USP49: variants seen among roughly 807,000 people sequenced by gnomAD.
The protein encoded by USP49 is ubiquitin carboxyl-terminal hydrolase 49.
USP49 carries 24 observed loss-of-function variants against 58.6 expected under a neutral mutation model. The ratio of observed to expected loss-of-function variants is 0.41; its 90% CI spans 0.30 to 0.58. The LOEUF is 0.58. USP49 is among the 20% of genes least tolerant of loss of function. The pLI is 0.30. For missense variants in USP49, 703 were observed against 866.1 expected (o/e 0.81, Z 2.36); for synonymous variants, 408 against 365.1 (o/e 1.12, Z -1.34).
chr6:41,804,826 G>T (rs1030478247), intron 4 of USP49, among the ~76,000 whole-genome samples: 1 of 152,042 alleles, frequency 6.6e-6, no homozygotes, highest in East Asian at 1.9e-4. Context: ...TCGGCTCACC[G>T]CAACCTCCGC....
intron 3 of USP49, among the ~76,000 whole-genome samples, chr6:41,812,321 C>T (rs1773271978): frequency 6.6e-6 from 1 of 151,506 alleles, no homozygotes; most frequent in Non-Finnish European, 1.5e-5. Context: ...TCAGGTGATC[C>T]GCCTACCTCG....
At chr6:41,894,202 T>C (rs544416627) in intron 1 of USP49, 1 of 152,414 alleles carries the variant, frequency 6.6e-6, no homozygotes, top group Admixed American at 6.5e-5. Context: ...TAGCCCTGTC[T>C]CTTTACCTCA....
chr6:41,831,251 G>A (rs1193551599), intron 3 of USP49, among the ~76,000 whole-genome samples: 5 of 152,008 alleles, frequency 3.3e-5, no homozygotes, highest in Non-Finnish European at 7.4e-5. Context: ...TTAGCCGGGC[G>A]TGGTGGCATG....
chr6:41,872,562 T>C (rs569326377), intron 2 of USP49, among the ~76,000 whole-genome samples: 2 of 151,628 alleles, frequency 1.3e-5, no homozygotes, highest in South Asian at 4.2e-4. Flanking sequence ...TTAAAAGTTT[T>C]AAATTGGAGT....
chr6:41,859,795 C>G (rs759128410), intron 3 of USP49, among the ~76,000 whole-genome samples: 1 of 151,960 alleles, frequency 6.6e-6, no homozygotes, highest in Non-Finnish European at 1.5e-5. Flanking sequence ...TCTTTCTGAT[C>G]GAAAAGAGTA....
chr6:41,874,141 T>C (rs1313105985), intron 2 of USP49: 1 of 152,182 alleles, frequency 6.6e-6, no homozygotes, highest in Non-Finnish European at 1.5e-5. Flanking sequence ...GAAGAGCACA[T>C]GATGTGGAGT....
Position 41,806,476 on chromosome 6 carries a change from CCAGCTT to C in USP49, c.502_507del (p.Lys168_Leu169del). ...AGGGCCTCCTCCTGCCGCCGCTGCTCCAGCTTCGCCTGGCCCCGGGAGCTCTTCTCG... is the reference window on the plus strand; with the variant it reads ...AGGGCCTCCTCCTGCCGCCGCTGCTCCGCCTGGCCCCGGGAGCTCTTCTCG... On this transcript the variant is annotated inframe_deletion, in exon 4 of 8. Coordinates refer to ENST00000682992, the MANE Select transcript of USP49 (RefSeq NM_001286554.2). The surrounding 1 kb of genome is among the most constrained non-coding windows in gnomAD (Gnocchi z 5.9). 9.4e-6 allele frequency: 15 copies of C among 1,597,030 alleles called. No homozygotes were observed. The highest frequency in any genetic ancestry group is 1.3e-5 in the Non-Finnish European group (15 of 1,178,826).
chr6:41,887,266 T>C (rs1197523621), intron 2 of USP49: 1 of 152,228 alleles, frequency 6.6e-6, no homozygotes, highest in African/African-American at 2.4e-5. Context: ...AGTATCCTCC[T>C]AACTCACTAG....
intron 3 of USP49, among the ~76,000 whole-genome samples, chr6:41,854,489 A>G (rs1774091333): frequency 6.6e-6 from 1 of 152,122 alleles, no homozygotes; most frequent in African/African-American, 2.4e-5. Flanking sequence ...GAGTTCCCCA[A>G]CTACTAATCT....
chr6:41,798,695 C>T lies in USP49; in HGVS notation c.1876+29G>A, dbSNP rs146374967. 1.4e-3 allele frequency: 2,254 copies of T among 1,610,216 alleles called. 10 individuals carry two copies. Among genetic ancestry groups the T allele is most frequent in the Middle Eastern group, 9.7e-3 (59 of 6,058 alleles). ...GGACAAATCAACCCCTTTCCGTGTC[C>T]CCCACCCCACAGAGTAAAGCGCACG... is the stretch of plus-strand genomic sequence containing the variant. On this transcript the variant is annotated intron_variant, in intron 7 of 7. Coordinates refer to ENST00000682992, the MANE Select transcript of USP49 (RefSeq NM_001286554.2).
chr6:41,860,700 CAT>C (rs1774205460), intron 3 of USP49, among the ~76,000 whole-genome samples: 2 of 151,854 alleles, frequency 1.3e-5, no homozygotes, highest in African/African-American at 4.8e-5. Flanking sequence ...TTAGTAGAGA[CAT>C]AGTTTCACCA....
Position 41,805,962 on chromosome 6 carries a change from C to T in USP49, c.1022G>A (p.Ser341Asn). ...CTCCTTGTTCTGGATGAGCTCCAGA[C>T]TCCGACTAATGGAGGCCCTGCCGTT... ...CWNGRASISR[S>N]LELIQNKEPS... Residue 341 changes from serine (S) to asparagine (N), a missense_variant, in exon 4 of 8, where the codon AGT becomes AAT. Ser to Asn is a conservative substitution (Grantham distance 46, BLOSUM62 1). This residue lies in a region of USP49 where 97 missense variants were observed against 88.0 expected (regional missense o/e 1.10). Coordinates refer to ENST00000682992, the MANE Select transcript of USP49 (RefSeq NM_001286554.2). The T allele has an allele frequency of 6.2e-7, 1 of 1,613,932 alleles. No homozygotes were observed.
rs1033427404 is a variant in USP49 at position 41,803,468 on chromosome 6, T to G, written c.1561+338A>C. Among the ~76,000 whole-genome samples, 5 of 152,172 alleles carry G rather than the reference T, an allele frequency of 3.3e-5. No homozygotes were observed. Among genetic ancestry groups the G allele is most frequent in the African/African-American group, 1.2e-4 (5 of 41,420 alleles). On this transcript the variant is annotated intron_variant, in intron 5 of 7. Coordinates refer to ENST00000682992, the MANE Select transcript of USP49 (RefSeq NM_001286554.2). This position sits in a 1 kb window ranked among gnomAD's most constrained non-coding sequence, Gnocchi z 4.1. ...ACAGGCATCTGCCACTATGCCCAGC[T>G]AATTTTTGTATTTTTAGTAGAGACA...
intron 3 of USP49, among the ~76,000 whole-genome samples, chr6:41,818,863 GTA>G (rs1038815417): frequency 2.0e-5 from 3 of 152,028 alleles, no homozygotes; most frequent in Admixed American, 6.6e-5. Context: ...TAGCCATACT[GTA>G]TATGTGATCC....
chr6:41,805,957 C>G lies in USP49; in HGVS notation c.1027G>C (p.Glu343Gln), dbSNP rs753738947. The change falls in exon 4 of 8, where the codon GAG (glutamate) becomes CAG (glutamine). Residue 343 changes from glutamate (E) to glutamine (Q), a missense_variant. Physicochemically the swap from Glu to Gln is conservative, Grantham distance 29. Transcript: ENST00000682992. ...NGRASISRSL[E>Q]LIQNKEPSSK... ...CTCGGCTCCTTGTTCTGGATGAGCT[C>G]CAGACTCCGACTAATGGAGGCCCTG... 3 of 1,613,910 alleles carry G rather than the reference C, an allele frequency of 1.9e-6. No individual in the cohort carries two copies.
At chr6:41,883,277 C>T (rs1182905464) in intron 2 of USP49, among the ~76,000 whole-genome samples, 2 of 150,134 alleles carry the variant, frequency 1.3e-5, no homozygotes, top group East Asian at 2.0e-4. Context: ...TTGCTTGAAC[C>T]CAGGAGATGG....
intron 2 of USP49, among the ~76,000 whole-genome samples, chr6:41,881,228 G>A (rs1181479838): frequency 3.0e-5 from 4 of 134,936 alleles, no homozygotes; most frequent in South Asian, 2.5e-4. Context: ...CACCCTGCCC[G>A]GCCCCTACGC....
At chr6:41,849,607 C>CT (rs1282624207) in intron 3 of USP49, among the ~76,000 whole-genome samples, 4 of 150,872 alleles carry the variant, frequency 2.7e-5, no homozygotes, top group Non-Finnish European at 5.9e-5. Flanking sequence ...CTTTTCTTTT[C>CT]TTTCTTTTTT....
chr6:41,887,580 G>A (rs1256003621), intron 2 of USP49, among the ~76,000 whole-genome samples: 1 of 152,102 alleles, frequency 6.6e-6, no homozygotes, highest in African/African-American at 2.4e-5. Context: ...AATGGAGTGG[G>A]GCAAAGACAT....
Sources: gnomAD v4.1 joint callset for allele counts (sites outside exome capture counted in the v4.1 genomes callset) on GRCh38, gnomAD v4.1.1 for gene constraint, gnomAD v4.1.1 regional missense constraint, Gnocchi (gnomAD v3.1) non-coding constraint, MANE v1.5 for transcripts, NCBI Gene and HGNC (gene_info 2026-07-23, HGNC 2026-07-21) for gene names.